ZNF592: variants seen among roughly 807,000 people sequenced by gnomAD.
The protein encoded by ZNF592 is zinc finger protein 592.
In ZNF592, 11 loss-of-function variants were observed where a neutral mutation model predicts 80.3. That is an observed-to-expected ratio of 0.14 (90% confidence interval 0.09 to 0.23). ZNF592 has a LOEUF of 0.23. ZNF592 is among the 10% of genes least tolerant of loss of function. ZNF592 has a pLI of 1.00. For synonymous variants in ZNF592, 646 were observed against 640.3 expected (o/e 1.01, Z -0.13); for missense variants, 1,420 against 1,633.9 (o/e 0.87, Z 2.26).
At chr15:84,777,334 G>C (rs1297552406) in intron 2 of ZNF592, among the ~76,000 whole-genome samples, 1 of 151,788 alleles carries the variant, frequency 6.6e-6, no homozygotes, top group Admixed American at 6.6e-5. Flanking sequence ...AAAATTAGAC[G>C]GGCGTGGTGA....
At chr15:84,752,407 A>G (rs1416981866) in intron 1 of ZNF592, among the ~76,000 whole-genome samples, 2 of 152,242 alleles carry the variant, frequency 1.3e-5, no homozygotes, top group Non-Finnish European at 2.9e-5. Flanking sequence ...TGAAACAGTA[A>G]GAATGAAATC....
At chr15:84,751,362 C>T (rs1366835802) in intron 1 of ZNF592, among the ~76,000 whole-genome samples, 1 of 152,206 alleles carries the variant, frequency 6.6e-6, no homozygotes, top group Non-Finnish European at 1.5e-5. Flanking sequence ...GCACGTCTGC[C>T]TGAATTCAGA....
intron 3 of ZNF592, among the ~76,000 whole-genome samples, 193 bp downstream of exon 3, chr15:84,778,505 A>G (rs900815709): frequency 6.6e-6 from 1 of 152,234 alleles, no homozygotes; most frequent in African/African-American, 2.4e-5. Context: ...GTTGCCAGGA[A>G]CATGTAGGGA....
chr15:84,797,388 CTGTA>C (rs1414829169), intron 5 of ZNF592, among the ~76,000 whole-genome samples: 1 of 152,182 alleles, frequency 6.6e-6, no homozygotes, highest in Non-Finnish European at 1.5e-5. Flanking sequence ...CATTGCCTGA[CTGTA>C]TGTTTTGTTA....
intron 5 of ZNF592, among the ~76,000 whole-genome samples, chr15:84,792,759 A>G (rs1962785596): frequency 6.6e-6 from 1 of 152,184 alleles, no homozygotes; most frequent in Admixed American, 6.5e-5. Flanking sequence ...GGCATTATAA[A>G]CATTTAAAAA....
At chr15:84,800,513 C>G (rs1200250395) in intron 10 of ZNF592, among the ~76,000 whole-genome samples, 1 of 152,140 alleles carries the variant, frequency 6.6e-6, no homozygotes, top group Non-Finnish European at 1.5e-5. Context: ...CAGCCTCTCT[C>G]CATACCATGG....
chr15:84,764,862 T>C (rs1391855406), intron 2 of ZNF592, 47 bp downstream of exon 2: 10 of 398,376 alleles, frequency 2.5e-5, no homozygotes, highest in African/African-American at 1.6e-4. Flanking sequence ...AGCCAAGAGT[T>C]TGAACATGAG....
intron 1 of ZNF592, among the ~76,000 whole-genome samples, chr15:84,750,019 T>C (rs1413665758): frequency 2.0e-5 from 3 of 152,242 alleles, no homozygotes; most frequent in African/African-American, 7.2e-5. Flanking sequence ...TTAATAGTCG[T>C]GGCCGGGCGC....
intron 5 of ZNF592, among the ~76,000 whole-genome samples, chr15:84,797,266 G>A (rs1325865833): frequency 1.3e-5 from 2 of 152,150 alleles, no homozygotes; most frequent in African/African-American, 4.8e-5. Context: ...CGCCCCAGTG[G>A]AACTATTGAC....
intron 1 of ZNF592, among the ~76,000 whole-genome samples, chr15:84,752,499 A>C (rs1233657425): frequency 6.6e-6 from 1 of 152,226 alleles, no homozygotes; most frequent in Non-Finnish European, 1.5e-5. Context: ...GGCAAATAAG[A>C]TTGAGCAAAG....
chr15:84,788,900 T>C (rs1457250633), intron 4 of ZNF592, among the ~76,000 whole-genome samples: 1 of 152,126 alleles, frequency 6.6e-6, no homozygotes, highest in African/African-American at 2.4e-5. Flanking sequence ...ATTTATGTTG[T>C]AGCATATGTC....
intron 10 of ZNF592, among the ~76,000 whole-genome samples, chr15:84,801,377 G>A (rs113238572): frequency 0.012 from 1,831 of 151,722 alleles, 36 homozygotes; most frequent in African/African-American, 0.041. Flanking sequence ...ATGTTCACTT[G>A]TAGTCCCAGC....
At chr15:84,793,857 A>G (rs1203297969) in intron 5 of ZNF592, among the ~76,000 whole-genome samples, 2 of 152,186 alleles carry the variant, frequency 1.3e-5, no homozygotes, top group Admixed American at 6.5e-5. Flanking sequence ...CTGAGATTCC[A>G]TTGCGGGGAT....
intron 4 of ZNF592, among the ~76,000 whole-genome samples, chr15:84,786,513 G>T (rs1962588824): frequency 6.6e-6 from 1 of 152,146 alleles, no homozygotes; most frequent in Non-Finnish European, 1.5e-5. Context: ...GGAAATATTA[G>T]GGTAGAGGTC....
Position 84,798,399 on chromosome 15 carries a change from G to A in ZNF592, c.2661G>A (p.Thr887=), listed in dbSNP as rs146236236. The A allele has an allele frequency of 3.2e-5, 52 of 1,614,074 alleles. 1 individual carries two copies. Among genetic ancestry groups the A allele is most frequent in the Admixed American group, 2.7e-4 (16 of 60,002 alleles). ...ATTTTTACCAGAATGTCAGCAAGAC[G>A]CAGGTGGGCGTCTTCAAGTGCCCTG... is the stretch of plus-strand genomic sequence containing the variant. ...QQHFYQNVSK[T]QVGVFKCPEC... is the part of the protein sequence containing the mutation. The change falls in exon 7 of 11, where the codon ACG becomes ACA. Residue 887 remains threonine (T), a synonymous_variant. Coordinates refer to ENST00000560079, the MANE Select transcript of ZNF592 (RefSeq NM_014630.3). This position sits in a 1 kb window ranked among gnomAD's most constrained non-coding sequence, Gnocchi z 4.5.
chr15:84,761,871 A>G (rs1899361550), intron 1 of ZNF592, among the ~76,000 whole-genome samples: 1 of 152,236 alleles, frequency 6.6e-6, no homozygotes, highest in Non-Finnish European at 1.5e-5. Flanking sequence ...CTCAGAACAA[A>G]TTGTCTTTGA....
At chr15:84,751,524 T>C (rs1899013481) in intron 1 of ZNF592, among the ~76,000 whole-genome samples, 1 of 152,220 alleles carries the variant, frequency 6.6e-6, no homozygotes, top group Non-Finnish European at 1.5e-5. Flanking sequence ...GTTGTACAGA[T>C]TAAGTCATGT....
intron 5 of ZNF592, among the ~76,000 whole-genome samples, chr15:84,797,649 C>T (rs553737946): frequency 6.6e-6 from 1 of 152,354 alleles, no homozygotes; most frequent in South Asian, 2.1e-4. Context: ...CAAGGCGTGG[C>T]CTTGGGCTTG....
At chr15:84,790,074 C>T (rs1962698952) in intron 4 of ZNF592, among the ~76,000 whole-genome samples, 1 of 149,792 alleles carries the variant, frequency 6.7e-6, no homozygotes, top group South Asian at 2.1e-4. Flanking sequence ...GCTCAGGGAA[C>T]CCCCGCCACC....
Sources: allele counts gnomAD v4.1 joint callset (sites outside exome capture counted in the v4.1 genomes callset), GRCh38; gene constraint gnomAD v4.1.1; non-coding constraint Gnocchi (gnomAD v3.1); transcripts MANE v1.5; gene names NCBI Gene and HGNC (gene_info 2026-07-23, HGNC 2026-07-21).